CDKN1B: variants seen among roughly 807,000 people sequenced by gnomAD.
The protein encoded by CDKN1B is cyclin dependent kinase inhibitor 1B, also known as cyclin-dependent kinase inhibitor 1B.
A neutral mutation model predicts 17.1 loss-of-function variants in CDKN1B; 7 were observed. The ratio of observed to expected loss-of-function variants is 0.41; its 90% CI spans 0.23 to 0.77. The LOEUF (loss-of-function observed/expected upper bound fraction) is 0.77, where lower values mean the gene tolerates loss of function less well. Ranked by LOEUF, CDKN1B falls within the 30% of genes least tolerant of loss-of-function variation. The pLI, the probability that CDKN1B is intolerant of heterozygous loss-of-function variation, is 0.33. For synonymous variants in CDKN1B, 149 were observed against 104.3 expected (o/e 1.43, Z -2.61); for missense variants, 337 against 262.0 (o/e 1.29, Z -1.98).
chr12:12,718,450 G>C, intron 1 of CDKN1B, 136 bp downstream of exon 1: 1 of 788,426 alleles, frequency 1.3e-6, no homozygotes, highest in Non-Finnish European at 2.1e-6. Context: ...TAGGTGTTCA[G>C]TGCTACCTGG....
Position 12,718,330 on chromosome 12 carries a change from C to T in CDKN1B, c.475+16C>T. 1 of 1,596,846 alleles carries T rather than the reference C, an allele frequency of 6.3e-7. No homozygotes were observed. The highest frequency in any genetic ancestry group is 8.5e-7 in the Non-Finnish European group (1 of 1,177,526). ...GCAACCGACGGTAATGACCCTTTCC[C>T]AACCATAGAATGTGTTTGGGGCCCC... On this transcript the variant is annotated intron_variant, in intron 1 of 2. Coordinates refer to ENST00000228872, the MANE Select transcript of CDKN1B (RefSeq NM_004064.5).
In CDKN1B at chr12:12,721,659, C is replaced by T. The variant is rs1329708768; in HGVS notation, c.*632C>T. On this transcript the variant is annotated 3_prime_UTR_variant, in exon 3 of 3. Transcript: ENST00000228872. ...TTTTAAAAAAGCAACAGAAACCTAT[C>T]CTCACTGCCCTCCCCAGTCTCTCTT... 3 of 152,448 alleles carry T rather than the reference C, an allele frequency of 2.0e-5. No individual in the cohort carries two copies. Among genetic ancestry groups the T allele is most frequent in the Non-Finnish European group, 4.4e-5 (3 of 68,228 alleles). 9.4% of individuals were successfully genotyped at this position (152,448 alleles called of 1,614,324 possible). A position where few individuals can be genotyped will look rare whatever the true frequency, so the allele number is the denominator to read the frequency against.
In CDKN1B at chr12:12,717,641, C is replaced by T; in HGVS notation, c.-199C>T. 6.8e-6 allele frequency: 10 copies of T among 1,467,752 alleles called. No individual in the cohort carries two copies. Among genetic ancestry groups the T allele is most frequent in the African/African-American group, 1.4e-5 (1 of 70,508 alleles). 90.9% of individuals were successfully genotyped at this position (1,467,752 alleles called of 1,614,324 possible). On this transcript the variant is annotated 5_prime_UTR_variant, in exon 1 of 3. Coordinates refer to ENST00000228872, the MANE Select transcript of CDKN1B (RefSeq NM_004064.5). ...GTCCATTTGATCAGCGGAGACTCGGCGGCCGGGCCGGGGCTTCCCCGCAGC... is the reference window on the plus strand; with the variant it reads ...GTCCATTTGATCAGCGGAGACTCGGTGGCCGGGCCGGGGCTTCCCCGCAGC...
Position 12,721,307 on chromosome 12 carries a change from C to A in CDKN1B, c.*280C>A. 4 of 218,526 alleles carry A rather than the reference C, an allele frequency of 1.8e-5. No individual in the cohort carries two copies. Among genetic ancestry groups the A allele is most frequent in the Non-Finnish European group, 2.0e-5 (2 of 99,856 alleles). The allele number at this position is 218,526 out of a possible 1,614,324, so 13.5% of individuals were successfully genotyped here. A position where few individuals can be genotyped will look rare whatever the true frequency, so the allele number is the denominator to read the frequency against. On this transcript the variant is annotated 3_prime_UTR_variant, in exon 3 of 3. Transcript: ENST00000228872. ...TATATAGTTTTTACCTTTTATGTAG[C>A]ACATAAACTTTGGGGAAGGGAGGGC...
At chr12:12,718,438 C>T in intron 1 of CDKN1B, 124 bp downstream of exon 1, 1 of 887,766 alleles carries the variant, frequency 1.1e-6, no homozygotes, top group South Asian at 1.4e-5. Context: ...CTTTATTGGT[C>T]TTAGGTGTTC....
chr12:12,718,528 A>C (rs914948719), intron 1 of CDKN1B, among the ~76,000 whole-genome samples: 1 of 152,146 alleles, frequency 6.6e-6, no homozygotes, highest in African/African-American at 2.4e-5. Flanking sequence ...TAATTTCCCT[A>C]ACTTAATACA....
In CDKN1B at chr12:12,717,730, C is replaced by T. The variant is rs1450026648; in HGVS notation, c.-110C>T. The T allele has an allele frequency of 3.2e-6, 5 of 1,576,284 alleles. No homozygotes were observed. The highest frequency in any genetic ancestry group is 2.7e-5 in the African/African-American group (2 of 74,224). ...GGTCTGTGTCTTTTGGCTCCGAGGG[C>T]AGTCGCTGGGCTTCCGAGAGGGGTT... On this transcript the variant is annotated 5_prime_UTR_variant, in exon 1 of 3. Coordinates refer to ENST00000228872, the MANE Select transcript of CDKN1B (RefSeq NM_004064.5).
rs200476090 is a variant in CDKN1B at position 12,718,282 on chromosome 12, G to T, written c.443G>T (p.Cys148Phe). ...AGCCAGACGGGGTTAGCGGAGCAAT[G>T]CGCAGGAATAAGGAAGCGACCTGCA... ...SDSQTGLAEQ[C>F]AGIRKRPATD... Residue 148 changes from cysteine to phenylalanine, a missense_variant, in exon 1 of 3, where the codon TGC (cysteine) becomes TTC (phenylalanine). Transcript: ENST00000228872. The T allele has an allele frequency of 1.7e-5, 27 of 1,606,464 alleles. No individual in the cohort carries two copies. The East Asian group carries it at 5.8e-4, about 34-fold the overall frequency.
intron 2 of CDKN1B, among the ~76,000 whole-genome samples, chr12:12,720,025 G>A (rs908407434): frequency 6.6e-6 from 1 of 152,164 alleles, no homozygotes; most frequent in African/African-American, 2.4e-5. Flanking sequence ...TAAAATAACA[G>A]GGATTAAGGT....
intron 2 of CDKN1B, among the ~76,000 whole-genome samples, chr12:12,720,745 C>G (rs921861796): frequency 6.6e-5 from 10 of 152,168 alleles, no homozygotes; most frequent in Non-Finnish European, 1.2e-4. Context: ...TCCTCCTCCC[C>G]CAGTGTGACA....
At position 12,717,369 on chromosome 12, in the gene CDKN1B, T is replaced by A; in HGVS notation, c.-471T>A. The A allele has an allele frequency of 5.2e-6, 6 of 1,153,454 alleles. No individual in the cohort carries two copies. The highest frequency in any genetic ancestry group is 6.4e-6 in the Non-Finnish European group (6 of 930,756). The allele number at this position is 1,153,454 out of a possible 1,614,324, so 71.5% of individuals were successfully genotyped here. A position where few individuals can be genotyped will look rare whatever the true frequency, so the allele number is the denominator to read the frequency against. On this transcript the variant is annotated 5_prime_UTR_variant, in exon 1 of 3. Coordinates refer to ENST00000228872, the MANE Select transcript of CDKN1B (RefSeq NM_004064.5). ...TAGACTCGCCGTGTCAATCATTTTCTTCTTCGTCAGCCTCCCTTCCACCGC... is the reference window on the plus strand; with the variant it reads ...TAGACTCGCCGTGTCAATCATTTTCATCTTCGTCAGCCTCCCTTCCACCGC...
At chr12:12,719,207 A>T in intron 2 of CDKN1B, 1 of 479,080 alleles carries the variant, frequency 2.1e-6, no homozygotes, top group South Asian at 2.1e-5. Context: ...TCGGGTAGGA[A>T]GGTCGTTTCC....
rs1282268214 is a variant in CDKN1B, at chr12:12,722,270, A to G, written c.*1243A>G. ...GTTAAATAATATGGCTATGCTTAAA[A>G]GGTTGCATACTGAGCCAAGTATAAT... On this transcript the variant is annotated 3_prime_UTR_variant, in exon 3 of 3. Transcript: ENST00000228872. 1.3e-5 allele frequency: 2 copies of G among 152,672 alleles called. No homozygotes were observed. Among genetic ancestry groups the G allele is most frequent in the African/African-American group, 4.8e-5 (2 of 41,466 alleles). The allele number at this position is 152,672 out of a possible 1,614,324, so 9.5% of individuals were successfully genotyped here. A position where few individuals can be genotyped will look rare whatever the true frequency, so the allele number is the denominator to read the frequency against.
rs752899815 is a variant in CDKN1B, at chr12:12,717,959, G to A, written c.120G>A (p.Glu40=). 1.2e-6 allele frequency: 2 copies of A among 1,614,248 alleles called. No homozygotes were observed. Among genetic ancestry groups the A allele is most frequent in the Non-Finnish European group, 1.7e-6 (2 of 1,180,050 alleles). The change falls in exon 1 of 3, where the codon GAG becomes GAA. Residue 40 remains glutamate (E), a synonymous_variant. Coordinates refer to ENST00000228872, the MANE Select transcript of CDKN1B (RefSeq NM_004064.5). ...RNLFGPVDHE[E]LTRDLEKHCR... The stretch of plus-strand genomic sequence containing the variant: ...TCTTCGGCCCGGTGGACCACGAAGA[G>A]TTAACCCGGGACTTGGAGAAGCACT...
rs1946481262 is a variant in CDKN1B at position 12,717,684 on chromosome 12, G to T, written c.-156G>T. On this transcript the variant is annotated 5_prime_UTR_variant, in exon 1 of 3. Transcript: ENST00000228872. ...CCCGCAGCCCCTGCGCGCTCCTAGA[G>T]CTCGGGCCGTGGCTCGTCGGGGTCT... The T allele has an allele frequency of 6.5e-7, 1 of 1,529,026 alleles. No individual in the cohort carries two copies. Among genetic ancestry groups the T allele is most frequent in the South Asian group, 1.2e-5 (1 of 83,416 alleles). 94.7% of individuals were successfully genotyped at this position (1,529,026 alleles called of 1,614,324 possible).
chr12:12,718,451 T>C, intron 1 of CDKN1B, 137 bp downstream of exon 1: 1 of 789,144 alleles, frequency 1.3e-6, no homozygotes, highest in Non-Finnish European at 2.1e-6. Context: ...AGGTGTTCAG[T>C]GCTACCTGGC....
At position 12,721,185 on chromosome 12, in the gene CDKN1B, A is replaced by C. The variant is rs1004004976; in HGVS notation, c.*158A>C. 1.4e-5 allele frequency: 11 copies of C among 771,054 alleles called. No homozygotes were observed. Among genetic ancestry groups the C allele is most frequent in the Non-Finnish European group, 2.7e-5 (11 of 414,758 alleles). The allele number at this position is 771,054 out of a possible 1,614,324, so 47.8% of individuals were successfully genotyped here. On this transcript the variant is annotated 3_prime_UTR_variant, in exon 3 of 3. Transcript: ENST00000228872. ...GAAAAACAACAACACAATAACACTA[A>C]AATTTTAGGCACTCTTAAATGATCT...
chr12:12,719,187 C>T (rs529659755), intron 2 of CDKN1B: 4 of 525,330 alleles, frequency 7.6e-6, no homozygotes, highest in East Asian at 3.6e-5. Flanking sequence ...TACTTGTAAC[C>T]CAGGCCCCAT....
chr12:12,720,460 A>G (rs907763996), intron 2 of CDKN1B, among the ~76,000 whole-genome samples: 5 of 152,196 alleles, frequency 3.3e-5, no homozygotes, highest in Non-Finnish European at 7.3e-5. Flanking sequence ...TTTTATTCCC[A>G]ATCATTTTTC....
Sources: allele counts gnomAD v4.1 joint callset (sites outside exome capture counted in the v4.1 genomes callset), GRCh38; gene constraint gnomAD v4.1.1; transcripts MANE v1.5; gene names NCBI Gene and HGNC (gene_info 2026-07-23, HGNC 2026-07-21).